MEF2A: variants seen among roughly 807,000 people sequenced by gnomAD.
MEF2A encodes myocyte enhancer factor 2A, also known as myocyte-specific enhancer factor 2A.
A neutral mutation model predicts 55.8 loss-of-function variants in MEF2A; 28 were observed. The ratio of observed to expected loss-of-function variants is 0.50; its 90% CI spans 0.37 to 0.69. The LOEUF (loss-of-function observed/expected upper bound fraction) is 0.69, where lower values mean the gene tolerates loss of function less well. Ranked by LOEUF, MEF2A falls within the 30% of genes least tolerant of loss-of-function variation. The probability of loss-of-function intolerance (pLI) is 0.00; values close to 1 mark genes in which losing one functional copy is unlikely to be tolerated. For missense variants in MEF2A, 528 were observed against 626.2 expected (o/e 0.84, Z 1.67); for synonymous variants, 239 against 227.1 (o/e 1.05, Z -0.47).
chr15:99,672,640 G>A (rs945991256), intron 5 of MEF2A, among the ~76,000 whole-genome samples: 1 of 152,146 alleles, frequency 6.6e-6, no homozygotes, highest in Non-Finnish European at 1.5e-5. Flanking sequence ...ATTACAGGTT[G>A]GGTATTCCTT....
chr15:99,684,266 T>C (rs2053799731), intron 7 of MEF2A, among the ~76,000 whole-genome samples: 1 of 152,226 alleles, frequency 6.6e-6, no homozygotes, highest in East Asian at 1.9e-4. Context: ...AGTTCTACTT[T>C]TAGTTCTTTA....
intron 1 of MEF2A, among the ~76,000 whole-genome samples, chr15:99,581,348 AAATGTTT>A (rs1257229907): frequency 1.3e-5 from 2 of 152,088 alleles, no homozygotes; most frequent in African/African-American, 4.8e-5. Flanking sequence ...CATGGCTTTC[AAATGTTT>A]AGAGGCAGTC....
In MEF2A at chr15:99,599,416, A is replaced by G. The variant is rs575023170; in HGVS notation, c.-143+905A>G. Among the ~76,000 whole-genome samples the G allele has an allele frequency of 6.6e-5, 10 of 152,278 alleles. No individual in the cohort carries two copies. In the East Asian group the frequency reaches 1.9e-3, roughly 29 times the overall value. The stretch of plus-strand genomic sequence containing the variant: ...AATTTTTATTTTGCCCATTTCAGGA[A>G]TACTTTTGCTACTTAACATAGGTCT... On this transcript the variant is annotated intron_variant, in intron 2 of 11. Coordinates refer to ENST00000557942, the MANE Select transcript of MEF2A (RefSeq NM_001319206.4).
upstream of MEF2A, chr15:99,565,450 C>G (rs1204246511): frequency 6.7e-6 from 1 of 149,084 alleles, no homozygotes; most frequent in Non-Finnish European, 1.5e-5. Context: ...GGGCCGCTCC[C>G]GGCCTGGGCT....
chr15:99,568,474 C>T (rs1960712411), intron 1 of MEF2A, among the ~76,000 whole-genome samples: 1 of 151,916 alleles, frequency 6.6e-6, no homozygotes, highest in Admixed American at 6.6e-5. Flanking sequence ...ATTAATATTC[C>T]AGCAATAGCA....
intron 2 of MEF2A, among the ~76,000 whole-genome samples, chr15:99,610,372 T>C (rs1330420444): frequency 6.8e-6 from 1 of 146,480 alleles, no homozygotes; most frequent in Non-Finnish European, 1.5e-5. Context: ...AATCAACATA[T>C]TTAACACAAT....
chr15:99,605,684 AAGG>A (rs1202286402), intron 2 of MEF2A, among the ~76,000 whole-genome samples: 1 of 151,814 alleles, frequency 6.6e-6, no homozygotes, highest in Non-Finnish European at 1.5e-5. Context: ...AAAAAAAAAA[AAGG>A]GGCTGGGTGC....
chr15:99,611,040 G>A (rs1456756004), intron 2 of MEF2A, among the ~76,000 whole-genome samples: 1 of 152,156 alleles, frequency 6.6e-6, no homozygotes, highest in African/African-American at 2.4e-5. Context: ...TCAGGAGTTC[G>A]AGACCAACTT....
intron 4 of MEF2A, among the ~76,000 whole-genome samples, chr15:99,654,812 A>G (rs2047439483): frequency 1.3e-5 from 2 of 152,180 alleles, no homozygotes; most frequent in Non-Finnish European, 2.9e-5. Context: ...GCTGTCCAAT[A>G]TAGTAGCCAT....
At chr15:99,604,655 A>G (rs185952679) in intron 2 of MEF2A, among the ~76,000 whole-genome samples, 20 of 145,378 alleles carry the variant, frequency 1.4e-4, no homozygotes, top group Admixed American at 3.4e-4. Context: ...CTCATTCCCT[A>G]TAATGTTTGG....
intron 4 of MEF2A, among the ~76,000 whole-genome samples, chr15:99,653,231 G>T (rs1367391373): frequency 6.6e-6 from 1 of 152,088 alleles, no homozygotes; most frequent in Non-Finnish European, 1.5e-5. Flanking sequence ...TATATAGATG[G>T]GTAATGCGGA....
intron 7 of MEF2A, among the ~76,000 whole-genome samples, chr15:99,677,070 G>A (rs1056520704): frequency 3.3e-5 from 5 of 151,824 alleles, no homozygotes; most frequent in African/African-American, 9.7e-5. Context: ...GCAGTGAGCC[G>A]AGATCATGCC....
At chr15:99,613,072 T>C (rs2039569946) in intron 2 of MEF2A, among the ~76,000 whole-genome samples, 1 of 152,210 alleles carries the variant, frequency 6.6e-6, no homozygotes, top group African/African-American at 2.4e-5. Context: ...ATTTTGCTAC[T>C]TCACTCTTGT....
chr15:99,680,610 T>C (rs2053058944), intron 7 of MEF2A, among the ~76,000 whole-genome samples: 1 of 152,220 alleles, frequency 6.6e-6, no homozygotes, highest in African/African-American at 2.4e-5. Flanking sequence ...TCATTGCAAC[T>C]TTATTTGTAG....
intron 2 of MEF2A, among the ~76,000 whole-genome samples, chr15:99,622,697 CTTTTCTTTTTTT>C (rs897657642): frequency 1.1e-4 from 7 of 64,184 alleles, no homozygotes; most frequent in South Asian, 9.2e-4. Context: ...AGGATGTTTT[CTTTTCTTTTTTT>C]TTTTCTTTTT....
chr15:99,645,215 C>G (rs1435833894), intron 3 of MEF2A, among the ~76,000 whole-genome samples: 1 of 152,082 alleles, frequency 6.6e-6, no homozygotes, highest in Non-Finnish European at 1.5e-5. Context: ...TGCTACATTA[C>G]CTGGCTGGGA....
Position 99,674,579 on chromosome 15 carries a change from GCTC to G in MEF2A, c.581_583del (p.Pro194del), listed in dbSNP as rs754580558. 8.1e-6 allele frequency: 13 copies of G among 1,613,800 alleles called. No individual in the cohort carries two copies. The highest frequency in any genetic ancestry group is 2.7e-5 in the African/African-American group (2 of 74,910). Reference sequence around the variant, plus strand: ...ATTACATAGAAATGTGTCTCCTGGAGCTCCTCAGAGACCACCAAGTACTGGCAA... The same window carrying G: ...ATTACATAGAAATGTGTCTCCTGGAGCTCAGAGACCACCAAGTACTGGCAA... On this transcript the variant is annotated inframe_deletion, in exon 6 of 12. Coordinates refer to ENST00000557942, the MANE Select transcript of MEF2A (RefSeq NM_001319206.4).
chr15:99,681,255 G>A (rs2053194542), intron 7 of MEF2A, among the ~76,000 whole-genome samples: 1 of 152,238 alleles, frequency 6.6e-6, no homozygotes, highest in African/African-American at 2.4e-5. Flanking sequence ...GGTTTGCATT[G>A]TAGCAGGCAC....
chr15:99,665,731 C>CAAAAAAAAAAAAAAAAAAAAAAAA (rs752473261), intron 4 of MEF2A, among the ~76,000 whole-genome samples: 3 of 20,254 alleles, frequency 1.5e-4, no homozygotes, highest in African/African-American at 5.0e-4. Flanking sequence ...CTTAAATTTA[C>CAAAAAAAAAAAAAAAAAAAAAAAA]AAAAAAAAAA....
Sources: gnomAD v4.1 joint callset for allele counts (sites outside exome capture counted in the v4.1 genomes callset) on GRCh38, gnomAD v4.1.1 for gene constraint, MANE v1.5 for transcripts, NCBI Gene and HGNC (gene_info 2026-07-23, HGNC 2026-07-21) for gene names.